The following RTN4 variants were observed in gnomAD, a reference collection of about 807,000 sequenced individuals.
RTN4 encodes the protein reticulon-4.
RTN4 carries 32 observed loss-of-function variants against 90.4 expected under a neutral mutation model. The ratio of observed to expected loss-of-function variants is 0.35; its 90% CI spans 0.27 to 0.48. The LOEUF is 0.48. Ranked by LOEUF, RTN4 falls within the 20% of genes least tolerant of loss-of-function variation. RTN4 has a pLI of 0.99. For synonymous variants in RTN4, 629 were observed against 552.5 expected, an observed-to-expected ratio of 1.14 and a Z score of -1.94; for missense variants, 1,706 against 1,430.2, an observed-to-expected ratio of 1.19 and a Z score of -3.11.
At chr2:55,086,679 T>A (rs1450127604) in intron 1 of RTN4, among the ~76,000 whole-genome samples, 1 of 151,748 alleles carries the variant, frequency 6.6e-6, no homozygotes, top group Non-Finnish European at 1.5e-5. Flanking sequence ...CTAACCAACA[T>A]AATAATAATA....
intron 4 of RTN4, among the ~76,000 whole-genome samples, chr2:54,983,220 G>A (rs1678284965): frequency 6.6e-6 from 1 of 151,772 alleles, no homozygotes; most frequent in Non-Finnish European, 1.5e-5. Context: ...GCTGCCAAAA[G>A]CACAGTAGCA....
intron 5 of RTN4, among the ~76,000 whole-genome samples, chr2:54,978,779 G>A (rs986629426): frequency 1.3e-5 from 2 of 151,988 alleles, no homozygotes; most frequent in Non-Finnish European, 2.9e-5. Context: ...ATTTAAATAA[G>A]AAAAAACATT....
At chr2:54,991,178 G>A (rs930279776) in intron 3 of RTN4, among the ~76,000 whole-genome samples, 1 of 152,138 alleles carries the variant, frequency 6.6e-6, no homozygotes, top group African/African-American at 2.4e-5. Flanking sequence ...CACTATTGGT[G>A]AGAAGTTAAA....
At chr2:54,992,341 G>A (rs563669638) in intron 3 of RTN4, among the ~76,000 whole-genome samples, 2 of 152,308 alleles carry the variant, frequency 1.3e-5, no homozygotes, top group African/African-American at 4.8e-5. Context: ...GCTGATTAAA[G>A]TGCTTCAAAA....
Position 55,012,846 on chromosome 2 carries a change from T to C in RTN4, c.3013+12240A>G, listed in dbSNP as rs572924080. 5.9e-5 allele frequency among the ~76,000 whole-genome samples: 9 copies of C among 152,288 alleles called. No individual in the cohort carries two copies. The South Asian group carries it at 1.9e-3, about 32-fold the overall frequency. On this transcript the variant is annotated intron_variant, in intron 3 of 8. Transcript: ENST00000337526. Reference sequence around the variant, plus strand: ...CTGTATAGTTCTATTATTTTCCAGCTGAGAAAAATGTACATCTGCATAGTT... The same window carrying C: ...CTGTATAGTTCTATTATTTTCCAGCCGAGAAAAATGTACATCTGCATAGTT...
chr2:54,974,785 C>T (rs761456325), intron 5 of RTN4, 21 bp from the exon 6 acceptor site: 1 of 1,599,984 alleles, frequency 6.3e-7, no homozygotes. Context: ...ATAACATTAG[C>T]CCATTATAAA....
intron 5 of RTN4, among the ~76,000 whole-genome samples, chr2:54,977,281 A>C (rs1321631987): frequency 6.6e-6 from 1 of 152,120 alleles, no homozygotes; most frequent in East Asian, 1.9e-4. Context: ...ACTTCCTTCT[A>C]ATTTTTCTGA....
At chr2:55,041,902 G>T (rs77685040) in intron 1 of RTN4, among the ~76,000 whole-genome samples, 8,536 of 151,766 alleles carry the variant, frequency 0.056, 407 homozygotes, top group African/African-American at 0.12. Flanking sequence ...TTTCTAAACA[G>T]AAAAACATAC....
chr2:54,995,257 C>G (rs1280655533), intron 3 of RTN4, among the ~76,000 whole-genome samples: 2 of 151,194 alleles, frequency 1.3e-5, no homozygotes, highest in African/African-American at 4.9e-5. Context: ...AAAAAAAAAT[C>G]TAAATAAAGA....
At chr2:55,127,068 A>G in the RTN4 span, among the ~76,000 whole-genome samples, 1 of 152,196 alleles carries the variant, frequency 6.6e-6, no homozygotes, top group Non-Finnish European at 1.5e-5. Flanking sequence ...TACTGGGCTT[A>G]ATACCTGGGT....
At position 55,003,410 on chromosome 2, in the gene RTN4, C is replaced by T. The variant is rs139293250; in HGVS notation, c.3014-15712G>A. On this transcript the variant is annotated intron_variant, in intron 3 of 8. Transcript: ENST00000337526. ...ACAAAATATTTTAGTGTCTATAATACGTCCAATGCCTAAGGGGCAGCTGAA... is the reference window on the plus strand; with the variant it reads ...ACAAAATATTTTAGTGTCTATAATATGTCCAATGCCTAAGGGGCAGCTGAA... 8.1e-3 allele frequency among the ~76,000 whole-genome samples: 1,239 copies of T among 152,102 alleles called. 14 individuals are homozygous for T. Among genetic ancestry groups the T allele is most frequent in the African/African-American group, 0.029 (1,184 of 41,478 alleles).
chr2:55,084,303 C>T (rs933504099), intron 1 of RTN4, among the ~76,000 whole-genome samples: 1 of 141,186 alleles, frequency 7.1e-6, no homozygotes, highest in Admixed American at 7.1e-5. Flanking sequence ...TCCCCCCTGC[C>T]TTTTTTTTTT....
chr2:55,018,089 T>G (rs1329700692), intron 3 of RTN4, among the ~76,000 whole-genome samples: 1 of 152,226 alleles, frequency 6.6e-6, no homozygotes, highest in Admixed American at 6.5e-5. Context: ...ATTACATAAT[T>G]TACCAGGTAT....
At chr2:55,122,607 T>C in the RTN4 span, among the ~76,000 whole-genome samples, 1 of 152,232 alleles carries the variant, frequency 6.6e-6, no homozygotes, top group East Asian at 1.9e-4. Flanking sequence ...CAGCAGTCCA[T>C]GCACACATGG....
chr2:55,026,419 T>A lies in RTN4; in HGVS notation c.1680A>T (p.Glu560Asp). The change falls in exon 3 of 9, where the codon GAA becomes GAT. Residue 560 changes from glutamate to aspartate, a missense_variant. Glu to Asp is a conservative substitution (Grantham distance 45, BLOSUM62 2). Transcript: ENST00000337526. ...TACCAGTAACTTCATTCAATTCACT[T>A]TCACATGCTTCCTGTACTAAATCTG... Reference protein sequence around the residue: ...LTPDLVQEACESELNEVTGTK... With the variant: ...LTPDLVQEACDSELNEVTGTK... 1 of 1,613,918 alleles carries A rather than the reference T, an allele frequency of 6.2e-7. No homozygotes were observed. The highest frequency in any genetic ancestry group is 8.5e-7 in the Non-Finnish European group (1 of 1,179,892).
At chr2:54,973,533 G>A (rs1195518954) in intron 8 of RTN4, 30 bp downstream of exon 8, 1 of 1,534,778 alleles carries the variant, frequency 6.5e-7, no homozygotes, top group Non-Finnish European at 9.0e-7. Flanking sequence ...CCTTATCCTA[G>A]TAAAAACACT....
intron 4 of RTN4, among the ~76,000 whole-genome samples, chr2:54,985,494 C>A (rs948193708): frequency 6.6e-6 from 1 of 152,146 alleles, no homozygotes; most frequent in African/African-American, 2.4e-5. Context: ...TTTCAAGTTA[C>A]TGAATTCCAA....
intron 3 of RTN4, among the ~76,000 whole-genome samples, chr2:55,020,526 T>C (rs776627236): frequency 1.1e-4 from 17 of 152,088 alleles, no homozygotes; most frequent in Non-Finnish European, 2.2e-4. Context: ...AGTAAGAATA[T>C]AGTTTGTCAC....
chr2:55,036,599 C>CAAAAAAAAAAAAAAAAAAAAA (rs71410411), intron 1 of RTN4, among the ~76,000 whole-genome samples: 2 of 72,988 alleles, frequency 2.7e-5, no homozygotes, highest in Non-Finnish European at 5.2e-5. Context: ...AAGACTGTCT[C>CAAAAAAAAAAAAAAAAAAAAA]AAAAAAAAAA....
Sources: allele counts gnomAD v4.1 joint callset (sites outside exome capture counted in the v4.1 genomes callset), GRCh38; gene constraint gnomAD v4.1.1; transcripts MANE v1.5; gene names NCBI Gene and HGNC (gene_info 2026-07-23, HGNC 2026-07-21).